BMP5: variants seen among roughly 807,000 people sequenced by gnomAD.
The protein encoded by BMP5 is bone morphogenetic protein 5.
Under a neutral mutation model 46.6 loss-of-function variants are expected in BMP5, and 23 were observed. That is an observed-to-expected ratio of 0.49 (90% CI 0.35 to 0.70). The LOEUF (loss-of-function observed/expected upper bound fraction) is 0.70, where lower values mean the gene tolerates loss of function less well. Ranked by LOEUF, BMP5 falls within the 30% of genes least tolerant of loss-of-function variation. The probability of loss-of-function intolerance (pLI) is 0.00; values close to 1 mark genes in which losing one functional copy is unlikely to be tolerated. For synonymous variants in BMP5, 204 were observed against 191.9 expected, an observed-to-expected ratio of 1.06 and a Z score of -0.52; for missense variants, 545 against 565.6, an observed-to-expected ratio of 0.96 and a Z score of 0.37.
chr6:55,754,022 G>A lies in BMP5; in HGVS notation c.*1511C>T, dbSNP rs1774517933. 6.6e-6 allele frequency: 1 copy of A among 151,810 alleles called. No individual in the cohort carries two copies. Among genetic ancestry groups the A allele is most frequent in the Non-Finnish European group, 1.5e-5 (1 of 67,896 alleles). The allele number at this position is 151,810 out of a possible 1,614,324, so 9.4% of individuals were successfully genotyped here. A position where few individuals can be genotyped will look rare whatever the true frequency, so the allele number is the denominator to read the frequency against. The stretch of plus-strand genomic sequence containing the variant: ...TGTCAAATTTTCTTTAAGATAAACT[G>A]TATTTCAAAACAACATTTTAATATA... On this transcript the variant is annotated 3_prime_UTR_variant, in exon 7 of 7. Transcript: ENST00000370830.
intron 1 of BMP5, among the ~76,000 whole-genome samples, chr6:55,831,173 T>C (rs902154588): frequency 1.3e-5 from 2 of 152,124 alleles, no homozygotes; most frequent in African/African-American, 4.8e-5. Context: ...AATCCTCTTT[T>C]TGAAATCTGA....
chr6:55,819,656 T>A lies in BMP5; in HGVS notation c.682A>T (p.Arg228Trp). 1 of 1,602,570 alleles carries A rather than the reference T, an allele frequency of 6.2e-7. No homozygotes were observed. ...ATAAGTTAAATAAAAAGATTATACC[T>A]ATTTGTGTATTCCTTGATGATTTGA... ...IYQIIKEYTNRDADLFLLDTR... is the reference protein window; with the variant it reads ...IYQIIKEYTNWDADLFLLDTR... Residue 228 changes from arginine (R) to tryptophan (W), a missense_variant and splice_region_variant, in exon 2 of 7, where the codon AGG (arginine) becomes TGG (tryptophan). By Grantham distance (101) the Arg-to-Trp change is moderately radical. Transcript: ENST00000370830.
chr6:55,787,369 T>G (rs1300832609), intron 3 of BMP5, among the ~76,000 whole-genome samples: 1 of 151,758 alleles, frequency 6.6e-6, no homozygotes, highest in Non-Finnish European at 1.5e-5. Flanking sequence ...AAAAGAATAT[T>G]CAGTTGTAAA....
At chr6:55,859,976 AC>A (rs1777491483) in intron 1 of BMP5, among the ~76,000 whole-genome samples, 1 of 152,194 alleles carries the variant, frequency 6.6e-6, no homozygotes, top group Admixed American at 6.5e-5. Flanking sequence ...TTCAGACAAC[AC>A]CTCTGAAAAG....
chr6:55,862,665 T>G (rs1777549410), intron 1 of BMP5, among the ~76,000 whole-genome samples: 1 of 152,166 alleles, frequency 6.6e-6, no homozygotes, highest in African/African-American at 2.4e-5. Context: ...TGAGACACAC[T>G]TATATTTTGG....
intron 1 of BMP5, among the ~76,000 whole-genome samples, chr6:55,840,667 T>C (rs1776925913): frequency 6.6e-6 from 1 of 152,248 alleles, no homozygotes; most frequent in Non-Finnish European, 1.5e-5. Context: ...TATGGATTTT[T>C]ATCTTTTTAA....
At chr6:55,831,834 C>T (rs943028225) in intron 1 of BMP5, among the ~76,000 whole-genome samples, 5 of 151,944 alleles carry the variant, frequency 3.3e-5, no homozygotes, top group East Asian at 1.9e-4. Flanking sequence ...ACACTGGAGG[C>T]GAACAGAAGA....
chr6:55,864,624 C>T (rs1777598243), intron 1 of BMP5, among the ~76,000 whole-genome samples: 1 of 152,088 alleles, frequency 6.6e-6, no homozygotes, highest in African/African-American at 2.4e-5. Flanking sequence ...TACATCAACA[C>T]AAACAGACTG....
At chr6:55,784,775 A>T (rs1269398182) in intron 3 of BMP5, among the ~76,000 whole-genome samples, 4 of 151,836 alleles carry the variant, frequency 2.6e-5, no homozygotes, top group African/African-American at 7.2e-5. Context: ...CAAAAATTCA[A>T]TTCTCTCCCT....
chr6:55,824,407 T>C (rs1776482125), intron 1 of BMP5, among the ~76,000 whole-genome samples: 1 of 151,970 alleles, frequency 6.6e-6, no homozygotes, highest in Non-Finnish European at 1.5e-5. Context: ...TCTTTACCAG[T>C]ATTTCCAGTA....
intron 1 of BMP5, among the ~76,000 whole-genome samples, chr6:55,842,827 G>A (rs1479279279): frequency 1.3e-5 from 2 of 152,030 alleles, no homozygotes; most frequent in East Asian, 3.9e-4. Context: ...AGCTTTGAAG[G>A]TATAAGTCTA....
chr6:55,848,558 G>A (rs1217205127), intron 1 of BMP5, among the ~76,000 whole-genome samples: 1 of 151,892 alleles, frequency 6.6e-6, no homozygotes, highest in East Asian at 1.9e-4. Flanking sequence ...TAACCTCAGG[G>A]TTGAAAACAC....
chr6:55,797,041 T>C (rs959798334), intron 2 of BMP5, among the ~76,000 whole-genome samples: 36 of 152,218 alleles, frequency 2.4e-4, no homozygotes, highest in Admixed American at 2.4e-3. Flanking sequence ...TCTCCTTTCA[T>C]ATACGAAGCT....
intron 1 of BMP5, among the ~76,000 whole-genome samples, chr6:55,855,591 G>A (rs1176559681): frequency 6.6e-6 from 1 of 151,998 alleles, no homozygotes; most frequent in Non-Finnish European, 1.5e-5. Context: ...TAATCCTATT[G>A]TTTTTGTTTT....
At chr6:55,829,317 A>G (rs971745745) in intron 1 of BMP5, among the ~76,000 whole-genome samples, 2 of 151,800 alleles carry the variant, frequency 1.3e-5, no homozygotes, top group African/African-American at 4.8e-5. Context: ...TGTATAATAA[A>G]TAAATATAGG....
chr6:55,779,193 A>G (rs537431964), intron 3 of BMP5, among the ~76,000 whole-genome samples: 1 of 152,106 alleles, frequency 6.6e-6, no homozygotes. Context: ...CACAGTTTGA[A>G]AAACATTCAT....
intron 1 of BMP5, among the ~76,000 whole-genome samples, chr6:55,857,420 G>A (rs1460413178): frequency 6.6e-6 from 1 of 152,100 alleles, no homozygotes; most frequent in East Asian, 1.9e-4. Flanking sequence ...CAAAAATGCA[G>A]CCATACTTTC....
chr6:55,780,347 A>G (rs1286940795), intron 3 of BMP5, among the ~76,000 whole-genome samples: 1 of 151,060 alleles, frequency 6.6e-6, no homozygotes, highest in Non-Finnish European at 1.5e-5. Flanking sequence ...ATGGCCAGGA[A>G]TGGTGGCTCA....
At chr6:55,843,292 T>A (rs1461284764) in intron 1 of BMP5, among the ~76,000 whole-genome samples, 1 of 152,110 alleles carries the variant, frequency 6.6e-6, no homozygotes, top group Non-Finnish European at 1.5e-5. Flanking sequence ...TACAGTTTTT[T>A]AAAGTTTCCT....
Sources: allele counts gnomAD v4.1 joint callset (sites outside exome capture counted in the v4.1 genomes callset), GRCh38; gene constraint gnomAD v4.1.1; transcripts MANE v1.5; gene names NCBI Gene and HGNC (gene_info 2026-07-23, HGNC 2026-07-21).